Variants in PPP2R5C observed in about 807,000 individuals in gnomAD.
The protein encoded by PPP2R5C is serine/threonine-protein phosphatase 2A 56 kDa regulatory subunit gamma isoform.
A neutral mutation model predicts 68.9 loss-of-function variants in PPP2R5C; 7 were observed. The observed-to-expected ratio is 0.10, with a 90% CI of 0.06 to 0.19. PPP2R5C has a LOEUF of 0.19. Among genes scored for constraint, PPP2R5C ranks in the 10% least tolerant of loss-of-function variants. The probability of loss-of-function intolerance (pLI) is 1.00; values close to 1 mark genes in which losing one functional copy is unlikely to be tolerated. For missense variants in PPP2R5C, 348 were observed against 641.3 expected (o/e 0.54, Z 4.94); for synonymous variants, 210 against 222.2 (o/e 0.95, Z 0.49).
exon 14 of PPP2R5C, chr14:101,926,019 T>C (rs1372283023): frequency 6.6e-6 from 1 of 152,492 alleles, no homozygotes; most frequent in East Asian, 1.9e-4. Flanking sequence ...TCTGTCTACC[T>C]TGACAGAAAT....
At chr14:101,776,717 C>G (rs2037438597) in intron 2 of PPP2R5C, among the ~76,000 whole-genome samples, 2 of 152,134 alleles carry the variant, frequency 1.3e-5, no homozygotes, top group South Asian at 4.1e-4. Context: ...TCCCCTTCCC[C>G]CAGCCTCTAG....
At chr14:101,912,707 A>AT in intron 12 of PPP2R5C, 1 of 891,838 alleles carries the variant, frequency 1.1e-6, no homozygotes, top group Non-Finnish European at 1.5e-6. Flanking sequence ...TTTAAATAAG[A>AT]TCTGAATCTT....
chr14:101,890,183 TC>T, intron 5 of PPP2R5C, 53 bp from the exon 8 acceptor site: 3 of 1,500,886 alleles, frequency 2.0e-6, no homozygotes, highest in South Asian at 2.3e-5. Context: ...AGCATTGTTT[TC>T]TTATTCAGGT....
At chr14:101,844,864 A>T (rs113480979) in intron 1 of PPP2R5C, among the ~76,000 whole-genome samples, 1,685 of 152,266 alleles carry the variant, frequency 0.011, 33 homozygotes, top group African/African-American at 0.037. Context: ...GAGCTACTGC[A>T]TTGTTGGAGC....
At chr14:101,886,450 T>A (rs2044520348) in intron 5 of PPP2R5C, among the ~76,000 whole-genome samples, 1 of 151,658 alleles carries the variant, frequency 6.6e-6, no homozygotes, top group Admixed American at 6.6e-5. Flanking sequence ...TTTGATAGTC[T>A]TTTCTGTAAT....
chr14:101,891,836 G>A lies in PPP2R5C; in HGVS notation c.690-1164G>A, dbSNP rs892583052. Reference sequence around the variant, plus strand: ...CTGCAGCTCAGTGGCAGTCACTCCCGTTTGCCTAATTACAAAACCAAGACA... The same window carrying A: ...CTGCAGCTCAGTGGCAGTCACTCCCATTTGCCTAATTACAAAACCAAGACA... On this transcript the variant is annotated intron_variant, in intron 6 of 13. Transcript: ENST00000334743. This position sits in a 1 kb window ranked among gnomAD's most constrained non-coding sequence, Gnocchi z 4.9. Among the ~76,000 whole-genome samples, 11 of 152,336 alleles carry A rather than the reference G, an allele frequency of 7.2e-5. No homozygotes were observed. Among genetic ancestry groups the A allele is most frequent in the South Asian group, 2.1e-4 (1 of 4,826 alleles).
In PPP2R5C at chr14:101,891,063, C is replaced by T. The variant is rs932949816; in HGVS notation, c.689+767C>T. Among the ~76,000 whole-genome samples the T allele has an allele frequency of 6.6e-6, 1 of 152,148 alleles. No individual in the cohort carries two copies. The highest frequency in any genetic ancestry group is 2.4e-5 in the African/African-American group (1 of 41,430). The stretch of plus-strand genomic sequence containing the variant: ...CTGAGATTACAGGCATGAGCCACCA[C>T]GCCCGGCCACTTTTATTTAATTGAT... On this transcript the variant is annotated intron_variant, in intron 6 of 13. Transcript: ENST00000334743. This position sits in a 1 kb window ranked among gnomAD's most constrained non-coding sequence, Gnocchi z 4.9.
At chr14:101,893,214 C>T (rs919096803) in intron 7 of PPP2R5C, 106 bp downstream of exon 9, 2 of 700,196 alleles carry the variant, frequency 2.9e-6, no homozygotes, top group African/African-American at 1.8e-5. Context: ...TCTTTATAGG[C>T]CTGTACTAAC....
chr14:101,866,601 C>T (rs940201449), intron 2 of PPP2R5C, among the ~76,000 whole-genome samples: 11 of 151,830 alleles, frequency 7.2e-5, no homozygotes, highest in Non-Finnish European at 1.6e-4. Flanking sequence ...ACCCTGGAGG[C>T]GGAGGTTGCA....
chr14:101,926,095 G>A (rs1315960723), exon 14 of PPP2R5C: 1 of 152,196 alleles, frequency 6.6e-6, no homozygotes, highest in Non-Finnish European at 1.5e-5. Context: ...CTTAAACATT[G>A]TTGCCCTTCA....
upstream of PPP2R5C, among the ~76,000 whole-genome samples, chr14:101,761,142 C>T (rs1046060669): frequency 1.3e-5 from 2 of 151,878 alleles, no homozygotes; most frequent in African/African-American, 4.8e-5. Context: ...GCCGCTCGCT[C>T]GGTTCCCGGG....
chr14:101,883,707 C>T (rs188013007), intron 5 of PPP2R5C, 145 bp downstream of exon 7: 2 of 1,122,964 alleles, frequency 1.8e-6, no homozygotes, highest in Non-Finnish European at 1.3e-6. Flanking sequence ...GCAGGTGGAC[C>T]CCCTTGTGCA....
intron 8 of PPP2R5C, among the ~76,000 whole-genome samples, chr14:101,901,280 T>C (rs1335008146): frequency 6.6e-6 from 1 of 152,222 alleles, no homozygotes; most frequent in Non-Finnish European, 1.5e-5. Flanking sequence ...TTTTTTTCTT[T>C]TTTTAAAAAA....
At position 101,888,894 on chromosome 14, in the gene PPP2R5C, A is replaced by AT. The variant is rs1174256151; in HGVS notation, c.630-1340dup. On this transcript the variant is annotated intron_variant, in intron 5 of 13. Coordinates refer to ENST00000334743, the Ensembl canonical transcript of PPP2R5C. The surrounding 1 kb of genome is among the most constrained non-coding windows in gnomAD (Gnocchi z 5.6). ...GGCATGAGCCACTGTGCCCGGCCAG[A>AT]TTTCGGCTTTTCTAAGCTGGCCTTC... 6.6e-6 allele frequency among the ~76,000 whole-genome samples: 1 copy of AT among 152,050 alleles called. No individual in the cohort carries two copies. The highest frequency in any genetic ancestry group is 1.5e-5 in the Non-Finnish European group (1 of 68,006).
At chr14:101,865,565 T>C (rs2043003479) in intron 2 of PPP2R5C, among the ~76,000 whole-genome samples, 1 of 152,232 alleles carries the variant, frequency 6.6e-6, no homozygotes, top group Non-Finnish European at 1.5e-5. Flanking sequence ...TGTGCTTCTC[T>C]GGGCAGATGA....
intron 8 of PPP2R5C, among the ~76,000 whole-genome samples, chr14:101,901,201 G>T (rs2045667424): frequency 6.6e-6 from 1 of 152,170 alleles, no homozygotes; most frequent in African/African-American, 2.4e-5. Context: ...ATGTACACAT[G>T]AATTGATAAT....
At chr14:101,838,163 A>G (rs1371967492) in intron 1 of PPP2R5C, among the ~76,000 whole-genome samples, 1 of 152,252 alleles carries the variant, frequency 6.6e-6, no homozygotes, top group Admixed American at 6.5e-5. Context: ...ATCAACTAAG[A>G]AAAAGAGAGA....
chr14:101,813,063 T>C (rs899161668), intron 1 of PPP2R5C, among the ~76,000 whole-genome samples: 1 of 152,250 alleles, frequency 6.6e-6, no homozygotes, highest in African/African-American at 2.4e-5. Context: ...CACTCTCAGC[T>C]GTGTCCAGGA....
At chr14:101,911,111 A>C (rs2046361726) in intron 11 of PPP2R5C, among the ~76,000 whole-genome samples, 1 of 151,162 alleles carries the variant, frequency 6.6e-6, no homozygotes, top group Non-Finnish European at 1.5e-5. Context: ...TCAAAAAAAA[A>C]AAAAATACAA....
Sources: allele counts gnomAD v4.1 joint callset (sites outside exome capture counted in the v4.1 genomes callset), GRCh38; gene constraint gnomAD v4.1.1; non-coding constraint Gnocchi (gnomAD v3.1); transcripts MANE v1.5; gene names NCBI Gene and HGNC (gene_info 2026-07-23, HGNC 2026-07-21).